Variants in CAST observed in about 807,000 individuals in gnomAD.
CAST encodes MIR583 host.
CAST carries 76 observed loss-of-function variants against 119.6 expected under a neutral mutation model. The ratio of observed to expected loss-of-function variants is 0.64; its 90% CI spans 0.53 to 0.77. The LOEUF is 0.77. Ranked by LOEUF, CAST falls within the 30% of genes least tolerant of loss-of-function variation. The pLI is 0.00. For missense variants in CAST, 953 were observed against 946.5 expected, an observed-to-expected ratio of 1.01 and a Z score of -0.09; for synonymous variants, 319 against 331.6, an observed-to-expected ratio of 0.96 and a Z score of 0.41.
chr5:96,312,022 G>A, the CAST span, among the ~76,000 whole-genome samples: 2 of 151,738 alleles, frequency 1.3e-5, no homozygotes, highest in East Asian at 3.8e-4. Context: ...TTTCTTTGTG[G>A]CTTGATGGTT....
At chr5:96,529,295 A>C (rs553688591), upstream of CAST, among the ~76,000 whole-genome samples, 2 of 152,184 alleles carry the variant, frequency 1.3e-5, no homozygotes, top group African/African-American at 4.8e-5. Context: ...GTCATTCAGG[A>C]AGTGATAAAT....
chr5:96,766,789 G>A (rs1770145493), intron 27 of CAST, among the ~76,000 whole-genome samples: 3 of 152,088 alleles, frequency 2.0e-5, no homozygotes, highest in Non-Finnish European at 2.9e-5. Flanking sequence ...TTCCATGCCT[G>A]TTCATCAAAT....
the CAST span, among the ~76,000 whole-genome samples, chr5:96,143,230 C>CT: frequency 6.6e-6 from 1 of 152,178 alleles, no homozygotes; most frequent in African/African-American, 2.4e-5. Flanking sequence ...CCACATGACT[C>CT]TATTACAGGC....
chr5:96,740,651 GAGGC>G (rs1032250337), intron 12 of CAST, 90 bp from the exon 13 acceptor site: 6 of 843,724 alleles, frequency 7.1e-6, no homozygotes, highest in Non-Finnish European at 1.0e-5. Flanking sequence ...TCTGGGGTGG[GAGGC>G]ACAATTCAAC....
the CAST span, among the ~76,000 whole-genome samples, chr5:96,362,300 G>A: frequency 6.6e-6 from 1 of 152,192 alleles, no homozygotes; most frequent in Non-Finnish European, 1.5e-5. Flanking sequence ...ACATATGTGT[G>A]CATGTGTCTT....
chr5:96,196,292 T>C, the CAST span, among the ~76,000 whole-genome samples: 1 of 152,346 alleles, frequency 6.6e-6, no homozygotes, highest in African/African-American at 2.4e-5. Flanking sequence ...TTTTGAAGTA[T>C]ATTCTCATAA....
At chr5:96,396,386 C>A in the CAST span, among the ~76,000 whole-genome samples, 1 of 151,998 alleles carries the variant, frequency 6.6e-6, no homozygotes, top group Non-Finnish European at 1.5e-5. Context: ...CATGGTGAAA[C>A]CCCATTTCTA....
At chr5:96,690,702 A>G (rs186589087) in intron 2 of CAST, among the ~76,000 whole-genome samples, 2 of 152,304 alleles carry the variant, frequency 1.3e-5, no homozygotes, top group Admixed American at 1.3e-4. Context: ...CACCACTTAA[A>G]CTATGGTGTT....
the CAST span, among the ~76,000 whole-genome samples, chr5:96,102,400 C>T: frequency 1.3e-5 from 2 of 152,162 alleles, no homozygotes; most frequent in Middle Eastern, 3.2e-3. Context: ...CAAGTCACCT[C>T]CAGTCGAGCC....
the CAST span, among the ~76,000 whole-genome samples, chr5:96,004,847 G>C: frequency 6.6e-6 from 1 of 152,136 alleles, no homozygotes; most frequent in Non-Finnish European, 1.5e-5. Flanking sequence ...GATTGCTTAG[G>C]ACAGTGAATG....
intron 5 of CAST, 112 bp from the exon 6 acceptor site, chr5:96,727,377 A>G (rs1391172077): frequency 1.1e-5 from 6 of 560,046 alleles, no homozygotes; most frequent in Non-Finnish European, 1.9e-5. Context: ...TTACATTAAA[A>G]ATCATCTCTT....
chr5:96,298,685 A>G, the CAST span, among the ~76,000 whole-genome samples: 1 of 152,204 alleles, frequency 6.6e-6, no homozygotes, highest in Admixed American at 6.5e-5. Flanking sequence ...GGCTTTTGAA[A>G]ACCACTAACT....
the CAST span, among the ~76,000 whole-genome samples, chr5:96,301,817 G>A: frequency 6.6e-6 from 1 of 152,210 alleles, no homozygotes; most frequent in African/African-American, 2.4e-5. Flanking sequence ...TGCTTTCATG[G>A]ACTGTCACTG....
the CAST span, among the ~76,000 whole-genome samples, chr5:96,334,128 T>C: frequency 9.5e-4 from 144 of 152,298 alleles, 1 homozygote; most frequent in Middle Eastern, 3.4e-3. Flanking sequence ...AAATGTCATA[T>C]AGCACAGTTT....
At chr5:96,397,943 CATA>C in the CAST span, among the ~76,000 whole-genome samples, 1 of 149,558 alleles carries the variant, frequency 6.7e-6, no homozygotes, top group Non-Finnish European at 1.5e-5. Context: ...CATTAATAAT[CATA>C]ATTATTTAAT....
At chr5:96,419,172 T>A in the CAST span, among the ~76,000 whole-genome samples, 75 of 151,908 alleles carry the variant, frequency 4.9e-4, no homozygotes, top group Non-Finnish European at 9.6e-4. Flanking sequence ...AGGGTAGTAT[T>A]TAAATATCTT....
At chr5:96,510,289 A>T in the CAST span, among the ~76,000 whole-genome samples, 1 of 152,240 alleles carries the variant, frequency 6.6e-6, no homozygotes, top group Admixed American at 6.5e-5. Flanking sequence ...AATAGTGCAT[A>T]AAAATATTTC....
the CAST span, among the ~76,000 whole-genome samples, chr5:96,156,020 T>C: frequency 6.6e-6 from 1 of 152,236 alleles, no homozygotes; most frequent in Non-Finnish European, 1.5e-5. Flanking sequence ...AGCCTTTTGC[T>C]ATTTTAACCT....
the CAST span, among the ~76,000 whole-genome samples, chr5:96,378,064 A>G: frequency 6.6e-6 from 1 of 152,170 alleles, no homozygotes; most frequent in Non-Finnish European, 1.5e-5. Context: ...AGACACACAA[A>G]CACAAATACT....
Sources: allele counts gnomAD v4.1 joint callset (sites outside exome capture counted in the v4.1 genomes callset), GRCh38; gene constraint gnomAD v4.1.1; transcripts MANE v1.5; gene names NCBI Gene and HGNC (gene_info 2026-07-23, HGNC 2026-07-21).